CRYBG2: variants seen among roughly 807,000 people sequenced by gnomAD.
CRYBG2 encodes the protein beta/gamma crystallin domain-containing protein 2.
CRYBG2 carries 106 observed loss-of-function variants against 153.4 expected under a neutral mutation model. The observed-to-expected ratio is 0.69, with a 90% CI of 0.59 to 0.81. The LOEUF is 0.81. Ranked by LOEUF, CRYBG2 falls within the 30% of genes least tolerant of loss-of-function variation. CRYBG2 has a pLI of 0.00. For synonymous variants in CRYBG2, 851 were observed against 877.8 expected, an observed-to-expected ratio of 0.97 and a Z score of 0.54; for missense variants, 1,996 against 2,112.0, an observed-to-expected ratio of 0.95 and a Z score of 1.08.
rs1336608214 is a variant in CRYBG2, at chr1:26,343,078, G to A, written c.3043C>T (p.Pro1015Ser). The change falls in exon 4 of 20, where the codon CCC (proline) becomes TCC (serine). Residue 1015 changes from proline to serine, a missense_variant. Pro to Ser is a moderately conservative substitution (Grantham distance 74). Coordinates refer to ENST00000308182, the MANE Select transcript of CRYBG2 (RefSeq NM_001039775.4). The surrounding 1 kb of genome is among the most constrained non-coding windows in gnomAD (Gnocchi z 4.1). ...CGAACTACCCTTATGGAGGCTACGGGGGCCCAGCCTGAGGCATCAACGATG... is the reference window on the plus strand; with the variant it reads ...CGAACTACCCTTATGGAGGCTACGGAGGCCCAGCCTGAGGCATCAACGATG... ...GDIVDASGWA[P>S]VASIRVVRGC... 8.4e-6 allele frequency: 13 copies of A among 1,550,370 alleles called. No individual in the cohort carries two copies. The highest frequency in any genetic ancestry group is 1.1e-5 in the Non-Finnish European group (13 of 1,146,962).
intron 14 of CRYBG2, among the ~76,000 whole-genome samples, chr1:26,332,361 GA>G (rs2074007697): frequency 6.6e-6 from 1 of 151,500 alleles, no homozygotes; most frequent in Non-Finnish European, 1.5e-5. Flanking sequence ...CAGTTAAGTG[GA>G]ATGAAAAAGA....
Position 26,321,872 on chromosome 1 carries a change from C to T in CRYBG2, c.*96G>A. The T allele has an allele frequency of 9.1e-7, 1 of 1,096,636 alleles. No homozygotes were observed. Among genetic ancestry groups the T allele is most frequent in the Non-Finnish European group, 1.3e-6 (1 of 784,716 alleles). 67.9% of individuals were successfully genotyped at this position (1,096,636 alleles called of 1,614,324 possible). On this transcript the variant is annotated 3_prime_UTR_variant, in exon 20 of 20. Coordinates refer to ENST00000308182, the MANE Select transcript of CRYBG2 (RefSeq NM_001039775.4). ...GGTGCACAGAGACAAGGGTACCTGG[C>T]AGCATATTAGAAAATAGCTTATGTT... is the stretch of plus-strand genomic sequence containing the variant.
chr1:26,332,397 C>G (rs2074008031), intron 14 of CRYBG2, among the ~76,000 whole-genome samples: 1 of 151,644 alleles, frequency 6.6e-6, no homozygotes, highest in South Asian at 2.1e-4. Flanking sequence ...ATAAAGTGAT[C>G]TCCAAACAGA....
intron 1 of CRYBG2, among the ~76,000 whole-genome samples, chr1:26,347,284 GTTTT>G (rs1198055868): frequency 1.4e-5 from 1 of 73,892 alleles, no homozygotes; most frequent in Non-Finnish European, 2.4e-5. Flanking sequence ...CTCCCCCTGC[GTTTT>G]TTTTTTTTTT....
intron 1 of CRYBG2, among the ~76,000 whole-genome samples, chr1:26,352,074 C>G (rs1267576375): frequency 1.3e-5 from 2 of 151,916 alleles, no homozygotes; most frequent in Admixed American, 1.3e-4. Context: ...TGGGAAAGAG[C>G]CTTGTCTAAC....
At chr1:26,340,484 A>G (rs2074116020) in intron 5 of CRYBG2, among the ~76,000 whole-genome samples, 1 of 152,206 alleles carries the variant, frequency 6.6e-6, no homozygotes, top group East Asian at 1.9e-4. Context: ...GAATCAAAGG[A>G]ATCCAGAAAC....
In CRYBG2 at chr1:26,346,156, T is replaced by A. The variant is rs146745413; in HGVS notation, c.502A>T (p.Ser168Cys). 306 of 1,559,100 alleles carry A rather than the reference T, an allele frequency of 2.0e-4. No individual in the cohort carries two copies. Among genetic ancestry groups the A allele is most frequent in the Middle Eastern group, 1.7e-3 (10 of 5,884 alleles). Residue 168 changes from serine to cysteine, a missense_variant, in exon 2 of 20, where the codon AGC (serine) becomes TGC (cysteine). Coordinates refer to ENST00000308182, the MANE Select transcript of CRYBG2 (RefSeq NM_001039775.4). The surrounding 1 kb of genome is among the most constrained non-coding windows in gnomAD (Gnocchi z 4.9). ...GVGLTSGSSR[S>C]LEEYRVTRTV... is the part of the protein sequence containing the mutation. ...CGTGTCACTCGGTATTCCTCGAGGC[T>A]CCGGGAGCTACCACTGGTGAGACCT...
At position 26,336,658 on chromosome 1, in the gene CRYBG2, T is replaced by C. The variant is rs1302940862; in HGVS notation, c.3986A>G (p.Glu1329Gly). The change falls in exon 12 of 20, where the codon GAG becomes GGG. Residue 1329 changes from glutamate to glycine, a missense_variant. Glu to Gly is a moderately conservative substitution (Grantham distance 98, BLOSUM62 -2). Coordinates refer to ENST00000308182, the MANE Select transcript of CRYBG2 (RefSeq NM_001039775.4). This position sits in a 1 kb window ranked among gnomAD's most constrained non-coding sequence, Gnocchi z 4.9. ...VLEKGVYRNC[E>G]DWGAGNSTLA... is the part of the protein sequence containing the mutation. ...GGTGCTGTTGCCAGCGCCCCAGTCCTCGCAGTTACGATACACGCCCTTCTC... is the reference window on the plus strand; with the variant it reads ...GGTGCTGTTGCCAGCGCCCCAGTCCCCGCAGTTACGATACACGCCCTTCTC... 6.4e-7 allele frequency: 1 copy of C among 1,553,202 alleles called. No homozygotes were observed. Among genetic ancestry groups the C allele is most frequent in the South Asian group, 1.2e-5 (1 of 84,326 alleles).
Position 26,345,566 on chromosome 1 carries a change from A to G in CRYBG2, c.1092T>C (p.Pro364=). 1 of 1,605,248 alleles carries G rather than the reference A, an allele frequency of 6.2e-7. No individual in the cohort carries two copies. Among genetic ancestry groups the G allele is most frequent in the Non-Finnish European group, 8.5e-7 (1 of 1,178,296 alleles). ...GCTGCTTTGCAGGGTGAGTTAGGCC[A>G]GGAGAGGGGACATGGGTCTCGAGTC... The part of the protein sequence containing the change: ...SPRLETHVPS[P]GLTHPAKQPV... Residue 364 remains proline, a synonymous_variant, in exon 2 of 20, where the codon CCT becomes CCC. Coordinates refer to ENST00000308182, the MANE Select transcript of CRYBG2 (RefSeq NM_001039775.4).
At chr1:26,328,938 A>G in intron 15 of CRYBG2, 65 bp from the exon 16 acceptor site, 1 of 1,591,566 alleles carries the variant, frequency 6.3e-7, no homozygotes, top group Non-Finnish European at 8.6e-7. Context: ...CAGCCCCACA[A>G]TCCCAGACAC....
intron 9 of CRYBG2, 24 bp downstream of exon 9, chr1:26,337,514 G>C: frequency 6.2e-7 from 1 of 1,610,340 alleles, no homozygotes; most frequent in Non-Finnish European, 8.5e-7. Flanking sequence ...TGATGAAATA[G>C]AAGGAAGGGT....
chr1:26,324,035 C>T (rs1174438156), intron 18 of CRYBG2, 117 bp downstream of exon 18: 3 of 1,119,868 alleles, frequency 2.7e-6, no homozygotes, highest in African/African-American at 1.6e-5. Flanking sequence ...TCCCTCTCCC[C>T]AGGGTCCTGG....
intron 14 of CRYBG2, among the ~76,000 whole-genome samples, chr1:26,332,553 C>A (rs1167122541): frequency 6.6e-6 from 1 of 151,994 alleles, no homozygotes; most frequent in Non-Finnish European, 1.5e-5. Flanking sequence ...GTTGCCCAGG[C>A]TGGAGTGCAA....
intron 1 of CRYBG2, among the ~76,000 whole-genome samples, chr1:26,348,294 C>G (rs1167434944): frequency 6.6e-6 from 1 of 152,216 alleles, no homozygotes; most frequent in Non-Finnish European, 1.5e-5. Context: ...CAGTGGCTCA[C>G]ACCTGTAATC....
Position 26,344,315 on chromosome 1 carries a change from G to T in CRYBG2, c.2343C>A (p.Arg781=). The T allele has an allele frequency of 6.6e-7, 1 of 1,507,212 alleles. No homozygotes were observed. The allele number at this position is 1,507,212 out of a possible 1,614,324, so 93.4% of individuals were successfully genotyped here. A position where few individuals can be genotyped will look rare whatever the true frequency, so the allele number is the denominator to read the frequency against. The change falls in exon 2 of 20, where the codon CGC becomes CGA. Residue 781 remains arginine, a synonymous_variant. Transcript: ENST00000308182. The stretch of plus-strand genomic sequence containing the variant: ...GAGGGGCTCGTGGCAGCCGGTGAGT[G>T]CGGAGGATCTCAGGGGGCTCCATGC... ...LRSMEPPEIL[R]THRLPRAPRS... is the part of the protein sequence containing the mutation.
intron 5 of CRYBG2, among the ~76,000 whole-genome samples, chr1:26,340,424 A>T (rs1488677198): frequency 1.3e-5 from 2 of 152,188 alleles, no homozygotes; most frequent in Non-Finnish European, 2.9e-5. Flanking sequence ...GTTGCAACCC[A>T]GCACCTCCCA....
rs751753828 is a variant in CRYBG2 at position 26,322,089 on chromosome 1, G to A, written c.4898-33C>T. 3.6e-5 allele frequency: 58 copies of A among 1,599,474 alleles called. No homozygotes were observed. In the East Asian group the frequency reaches 1.2e-3, roughly 34 times the overall value. ...TGGGATGGGGATTAAAAGATAGGGAGATAGTCAGAGAGAGCTGGGACTCCA... is the reference window on the plus strand; with the variant it reads ...TGGGATGGGGATTAAAAGATAGGGAAATAGTCAGAGAGAGCTGGGACTCCA... On this transcript the variant is annotated intron_variant, in intron 19 of 19. Coordinates refer to ENST00000308182, the MANE Select transcript of CRYBG2 (RefSeq NM_001039775.4).
Position 26,343,917 on chromosome 1 carries a change from A to T in CRYBG2, c.2741T>A (p.Val914Glu). The change falls in exon 2 of 20, where the codon GTG (valine) becomes GAG (glutamate). Residue 914 changes from valine (V) to glutamate (E), a missense_variant. Coordinates refer to ENST00000308182, the MANE Select transcript of CRYBG2 (RefSeq NM_001039775.4). The surrounding 1 kb of genome is among the most constrained non-coding windows in gnomAD (Gnocchi z 4.1). ...LGGSLLFGSL[V>E]PTAKEASTPE... ...GGTGGAGGCCTCCTTGGCGGTAGGC[A>T]CCAGACTGCCGAACAGAAGGCTGCC... 6.5e-7 allele frequency: 1 copy of T among 1,538,186 alleles called. No individual in the cohort carries two copies. The highest frequency in any genetic ancestry group is 1.2e-5 in the South Asian group (1 of 83,100).
At chr1:26,331,727 C>G (rs2073999586) in intron 14 of CRYBG2, 109 bp from the exon 15 acceptor site, 12 of 1,421,972 alleles carry the variant, frequency 8.4e-6, no homozygotes, top group Non-Finnish European at 9.6e-6. Context: ...GATCCCCTGT[C>G]CCAGGGGAGG....
Sources: allele counts gnomAD v4.1 joint callset (sites outside exome capture counted in the v4.1 genomes callset), GRCh38; gene constraint gnomAD v4.1.1; non-coding constraint Gnocchi (gnomAD v3.1); transcripts MANE v1.5; gene names NCBI Gene and HGNC (gene_info 2026-07-23, HGNC 2026-07-21).